OR3A3: variants seen among roughly 807,000 people sequenced by gnomAD.
OR3A3 encodes the protein olfactory receptor 3A3.
For missense variants in OR3A3, 275 were observed against 391.4 expected (o/e 0.70, Z 2.51); for synonymous variants, 103 against 163.9 (o/e 0.63, Z 2.84).
intron 2 of OR3A3, among the ~76,000 whole-genome samples, chr17:3,413,753 C>CA (rs993200136): frequency 3.4e-4 from 51 of 150,760 alleles, no homozygotes; most frequent in African/African-American, 1.1e-3. Flanking sequence ...GTGGAGGTTG[C>CA]AGTGAGCCAA....
chr17:3,420,227 TCACA>T (rs1393214569), intron 2 of OR3A3, among the ~76,000 whole-genome samples: 1 of 152,214 alleles, frequency 6.6e-6, no homozygotes, highest in African/African-American at 2.4e-5. Flanking sequence ...ATCCATCATC[TCACA>T]CAGTTACCCA....
intron 2 of OR3A3, among the ~76,000 whole-genome samples, chr17:3,419,892 A>G (rs1597376144): frequency 6.6e-6 from 1 of 151,964 alleles, no homozygotes; most frequent in Middle Eastern, 3.4e-3. Flanking sequence ...CAGCCTCCCG[A>G]GTAGCTGGGA....
intron 2 of OR3A3, among the ~76,000 whole-genome samples, chr17:3,418,791 G>A (rs897040983): frequency 6.6e-6 from 1 of 152,186 alleles, no homozygotes; most frequent in Non-Finnish European, 1.5e-5. Flanking sequence ...ACAAGGGTAT[G>A]ATATTGCTCT....
chr17:3,421,837 TATA>T (rs562655126), exon 3 of OR3A3: 105 of 255,314 alleles, frequency 4.1e-4, no homozygotes, highest in Admixed American at 2.2e-3. Flanking sequence ...AAGCATCATA[TATA>T]GTATACCACA....
intron 2 of OR3A3, among the ~76,000 whole-genome samples, chr17:3,419,729 CTTTTTTT>C (rs564569456): frequency 2.1e-3 from 203 of 98,892 alleles, no homozygotes; most frequent in South Asian, 0.016. Flanking sequence ...AAAATTCTAT[CTTTTTTT>C]TTTTTTTTTT....
chr17:3,417,378 C>T (rs1321586016), intron 2 of OR3A3, among the ~76,000 whole-genome samples: 1 of 152,176 alleles, frequency 6.6e-6, no homozygotes, highest in Non-Finnish European at 1.5e-5. Flanking sequence ...TACACCATCT[C>T]TACATGTTCT....
At chr17:3,421,577 C>T (rs761791352) in exon 3 of OR3A3, 2 of 1,513,672 alleles carry the variant, frequency 1.3e-6, no homozygotes, top group Non-Finnish European at 1.8e-6. Context: ...AGGAAAATTT[C>T]CCGAGAAGAT....
At chr17:3,421,512 G>A in exon 3 of OR3A3, 1 of 1,532,264 alleles carries the variant, frequency 6.5e-7, no homozygotes, top group Non-Finnish European at 8.8e-7. Flanking sequence ...AGCTACTTGT[G>A]GGGAAGCGAT....
chr17:3,419,729 C>CTTT (rs564569456), intron 2 of OR3A3, among the ~76,000 whole-genome samples: 28 of 98,866 alleles, frequency 2.8e-4, no homozygotes, highest in Non-Finnish European at 3.5e-4. Context: ...AAAATTCTAT[C>CTTT]TTTTTTTTTT....
exon 3 of OR3A3, chr17:3,421,254 T>C (rs200359863): frequency 2.5e-6 from 4 of 1,614,184 alleles, no homozygotes; most frequent in South Asian, 2.2e-5. Flanking sequence ...CCTATGCCCA[T>C]GTGGTAGCTG....
intron 2 of OR3A3, among the ~76,000 whole-genome samples, chr17:3,414,278 AAC>A (rs2072378521): frequency 6.6e-6 from 1 of 152,230 alleles, no homozygotes. Context: ...TCACCATGTT[AAC>A]CAGGATGGTC....
chr17:3,420,644 T>C (rs1323050560), exon 3 of OR3A3: 2 of 1,520,434 alleles, frequency 1.3e-6, no homozygotes, highest in Non-Finnish European at 1.8e-6. Flanking sequence ...CTACTGGGCC[T>C]AGTGCAAACA....
chr17:3,420,047 A>C (rs140806050), intron 2 of OR3A3, among the ~76,000 whole-genome samples: 10 of 152,168 alleles, frequency 6.6e-5, no homozygotes, highest in African/African-American at 2.4e-4. Flanking sequence ...GATTACAGGC[A>C]TGAGCCACTG....
chr17:3,419,325 C>G (rs576993595), intron 2 of OR3A3, among the ~76,000 whole-genome samples: 1 of 152,294 alleles, frequency 6.6e-6, no homozygotes, highest in Non-Finnish European at 1.5e-5. Context: ...ACCTAGGCAA[C>G]AGTTTCAATA....
In OR3A3 at chr17:3,420,512, A is replaced by C. The variant is rs1319545645; in HGVS notation, c.-6-68A>C. On this transcript the variant is annotated intron_variant, in intron 2 of 2. Transcript: ENST00000641141. ...GGACTCGCCACGGGGCTTTGAACATAAATGGTTTAAAATGTTAATGTGAAC... is the reference window on the plus strand; with the variant it reads ...GGACTCGCCACGGGGCTTTGAACATCAATGGTTTAAAATGTTAATGTGAAC... 6.4e-6 allele frequency: 10 copies of C among 1,568,672 alleles called. No homozygotes were observed. In the East Asian group the frequency reaches 2.2e-4, roughly 35 times the overall value.
intron 2 of OR3A3, among the ~76,000 whole-genome samples, chr17:3,413,830 C>CA (rs764854122): frequency 1.3e-5 from 1 of 74,944 alleles, no homozygotes; most frequent in Non-Finnish European, 3.4e-5. Context: ...CAAAAAAAAA[C>CA]AAAAAAACAA....
chr17:3,418,058 C>A (rs1363582958), intron 2 of OR3A3, among the ~76,000 whole-genome samples: 4 of 152,180 alleles, frequency 2.6e-5, no homozygotes, highest in African/African-American at 9.6e-5. Flanking sequence ...GGTCTTGTAT[C>A]TCTGTCTTGT....
rs940917278 is a variant in OR3A3, at chr17:3,420,581, A to G, written c.-5A>G. 3 of 1,529,984 alleles carry G rather than the reference A, an allele frequency of 2.0e-6. No homozygotes were observed. The African/African-American group carries it at 4.2e-5, about 21-fold the overall frequency. The allele number at this position is 1,529,984 out of a possible 1,614,324, so 94.8% of individuals were successfully genotyped here. A position where few individuals can be genotyped will look rare whatever the true frequency, so the allele number is the denominator to read the frequency against. On this transcript the variant is annotated splice_region_variant and 5_prime_UTR_variant, in exon 3 of 3. Coordinates refer to ENST00000641141, the Ensembl canonical transcript of OR3A3. ...CCCTGCTGGGACATGTCCTTACAGA[A>G]ACTCATGGAGCCAGAAGCTGGGACC... is the stretch of plus-strand genomic sequence containing the variant.
At position 3,420,943 on chromosome 17, in the gene OR3A3, G is replaced by A. The variant is rs757686958; in HGVS notation, c.358G>A (p.Ala120Thr). The stretch of plus-strand genomic sequence containing the variant: ...TGGGATGGACTGCTTCCTGCTGACC[G>A]CCATGGCCTATGACCGACTCCTGGC... The change falls in exon 3 of 3, where the codon GCC becomes ACC. Residue 120 changes from alanine (A) to threonine (T), a missense_variant. Coordinates refer to ENST00000641141, the Ensembl canonical transcript of OR3A3. 3.2e-5 allele frequency: 51 copies of A among 1,610,374 alleles called. 1 individual carries two copies. The Middle Eastern group carries it at 5.1e-4, about 16-fold the overall frequency.
Sources: allele counts gnomAD v4.1 joint callset (sites outside exome capture counted in the v4.1 genomes callset), GRCh38; gene constraint gnomAD v4.1.1; transcripts MANE v1.5; gene names NCBI Gene and HGNC (gene_info 2026-07-23, HGNC 2026-07-21).